The following CAMKMT variants were observed in gnomAD, a reference collection of about 807,000 sequenced individuals.
CAMKMT encodes the protein CaM KMT.
Under a neutral mutation model 48.0 loss-of-function variants are expected in CAMKMT, and 53 were observed. The ratio of observed to expected loss-of-function variants is 1.10; its 90% CI spans 0.89 to 1.39. CAMKMT has a LOEUF of 1.39. Among genes scored for constraint, CAMKMT ranks in the 40% most tolerant of loss-of-function variants. The pLI is 0.00. For synonymous variants in CAMKMT, 165 were observed against 152.3 expected, an observed-to-expected ratio of 1.08 and a Z score of -0.61; for missense variants, 428 against 402.7, an observed-to-expected ratio of 1.06 and a Z score of -0.54.
At chr2:44,668,827 G>A (rs2104116040) in intron 3 of CAMKMT, among the ~76,000 whole-genome samples, 1 of 151,734 alleles carries the variant, frequency 6.6e-6, no homozygotes, top group Admixed American at 6.6e-5. Context: ...TGATGCCCAG[G>A]CTGGAGTACA....
intron 3 of CAMKMT, 69 bp from the exon 4 acceptor site, chr2:44,704,214 A>G: frequency 7.7e-7 from 1 of 1,292,686 alleles, no homozygotes; most frequent in Non-Finnish European, 1.1e-6. Context: ...ACTGAACATT[A>G]TTTTTAAAAG....
intron 3 of CAMKMT, among the ~76,000 whole-genome samples, chr2:44,585,931 AAT>A (rs1669833001): frequency 6.6e-6 from 1 of 152,244 alleles, no homozygotes; most frequent in Admixed American, 6.5e-5. Context: ...GTTACTCTGC[AAT>A]AGTCAATTTT....
chr2:44,377,405 A>T (rs1679808954), intron 2 of CAMKMT, among the ~76,000 whole-genome samples: 1 of 152,154 alleles, frequency 6.6e-6, no homozygotes, highest in African/African-American at 2.4e-5. Context: ...TTTATACCAA[A>T]ATTCTTTGAT....
In CAMKMT at chr2:44,750,213, C is replaced by T. The variant is rs1385343931; in HGVS notation, c.699-3842C>T. 5.3e-5 allele frequency among the ~76,000 whole-genome samples: 8 copies of T among 151,926 alleles called. No homozygotes were observed. In the South Asian group the frequency reaches 1.0e-3, roughly 20 times the overall value. ...TCACCCAGGCCAGAATGCAATGTCA[C>T]GATCTCAGCCCACTGCAGCCTCCGC... On this transcript the variant is annotated intron_variant, in intron 8 of 10. Coordinates refer to ENST00000378494, the MANE Select transcript of CAMKMT (RefSeq NM_024766.5).
intron 3 of CAMKMT, among the ~76,000 whole-genome samples, chr2:44,641,471 G>A (rs1209225277): frequency 1.3e-5 from 2 of 151,846 alleles, no homozygotes; most frequent in Non-Finnish European, 2.9e-5. Flanking sequence ...TAAGGCAGTA[G>A]ACTCAAACAC....
At chr2:44,376,899 G>T (rs1401453827) in intron 2 of CAMKMT, among the ~76,000 whole-genome samples, 2 of 152,132 alleles carry the variant, frequency 1.3e-5, no homozygotes, top group Non-Finnish European at 2.9e-5. Context: ...TCTACCTGTG[G>T]ATGGTGACTC....
chr2:44,642,461 A>C (rs1673499853), intron 3 of CAMKMT, among the ~76,000 whole-genome samples: 1 of 152,226 alleles, frequency 6.6e-6, no homozygotes, highest in South Asian at 2.1e-4. Flanking sequence ...CCTGCGGCTG[A>C]ACGGGGCACA....
intron 3 of CAMKMT, among the ~76,000 whole-genome samples, chr2:44,607,189 A>G (rs1671335303): frequency 6.6e-6 from 1 of 152,214 alleles, no homozygotes; most frequent in Non-Finnish European, 1.5e-5. Context: ...TTTTATTCCC[A>G]TTTACCTCTT....
chr2:44,527,315 TTATACATA>T (rs1169784048), intron 3 of CAMKMT, among the ~76,000 whole-genome samples: 2 of 144,270 alleles, frequency 1.4e-5, no homozygotes, highest in Non-Finnish European at 3.0e-5. Flanking sequence ...TTATTATATA[TTATACATA>T]TATACATATA....
chr2:44,663,930 A>G lies in CAMKMT; in HGVS notation c.377-40353A>G, dbSNP rs180771879. On this transcript the variant is annotated intron_variant, in intron 3 of 10. Transcript: ENST00000378494. ...ATAAATAAAATTTATGGTAAGTGAGATGGTAATAAGTCTAAGGAGAAAAAA... is the reference window on the plus strand; with the variant it reads ...ATAAATAAAATTTATGGTAAGTGAGGTGGTAATAAGTCTAAGGAGAAAAAA... 2.5e-3 allele frequency among the ~76,000 whole-genome samples: 387 copies of G among 152,232 alleles called. 2 individuals are homozygous for G. The highest frequency in any genetic ancestry group is 9.0e-3 in the African/African-American group (372 of 41,548).
At chr2:44,582,774 T>A (rs1157021712) in intron 3 of CAMKMT, among the ~76,000 whole-genome samples, 4 of 152,238 alleles carry the variant, frequency 2.6e-5, no homozygotes, top group African/African-American at 9.6e-5. Flanking sequence ...AGATATTTAG[T>A]AGTTTCCCTC....
intron 3 of CAMKMT, among the ~76,000 whole-genome samples, chr2:44,453,756 A>G (rs1307509762): frequency 6.6e-6 from 1 of 152,140 alleles, no homozygotes; most frequent in Admixed American, 6.6e-5. Flanking sequence ...ACTTTAATGA[A>G]TTACTGAAAC....
intron 1 of CAMKMT, among the ~76,000 whole-genome samples, chr2:44,362,973 A>G (rs1221235505): frequency 6.6e-6 from 1 of 152,218 alleles, no homozygotes; most frequent in Non-Finnish European, 1.5e-5. Flanking sequence ...AACTTTACTC[A>G]GGAGGACATT....
intron 7 of CAMKMT, among the ~76,000 whole-genome samples, chr2:44,739,069 C>T (rs1679521093): frequency 6.6e-6 from 1 of 152,144 alleles, no homozygotes; most frequent in African/African-American, 2.4e-5. Flanking sequence ...GAGTGGTAAC[C>T]AGGCCCAATT....
At chr2:44,393,487 A>G (rs1014063042) in intron 3 of CAMKMT, 2 of 152,214 alleles carry the variant, frequency 1.3e-5, no homozygotes, top group Admixed American at 6.5e-5. Flanking sequence ...CTATGGTGGA[A>G]AACAAACCAT....
At chr2:44,576,089 G>A (rs1461864745) in intron 3 of CAMKMT, among the ~76,000 whole-genome samples, 2 of 152,164 alleles carry the variant, frequency 1.3e-5, no homozygotes, top group South Asian at 4.2e-4. Context: ...CACTTTGGGA[G>A]GCCGAGGTGG....
intron 3 of CAMKMT, among the ~76,000 whole-genome samples, chr2:44,584,981 C>G (rs569771085): frequency 6.6e-6 from 1 of 150,940 alleles, no homozygotes; most frequent in African/African-American, 2.4e-5. Flanking sequence ...CATGAACCCA[C>G]GAGGCGGAGG....
At chr2:44,542,383 A>G (rs925454235) in intron 3 of CAMKMT, among the ~76,000 whole-genome samples, 2 of 152,202 alleles carry the variant, frequency 1.3e-5, no homozygotes, top group Non-Finnish European at 2.9e-5. Context: ...ATTTCCATGC[A>G]TAAACACTGC....
chr2:44,751,718 C>T (rs1573230259), intron 8 of CAMKMT, among the ~76,000 whole-genome samples: 1 of 152,148 alleles, frequency 6.6e-6, no homozygotes, highest in East Asian at 1.9e-4. Flanking sequence ...TGTATTAGTC[C>T]ATCTTGCGCT....
Sources: allele counts gnomAD v4.1 joint callset (sites outside exome capture counted in the v4.1 genomes callset), GRCh38; gene constraint gnomAD v4.1.1; transcripts MANE v1.5; gene names NCBI Gene and HGNC (gene_info 2026-07-23, HGNC 2026-07-21).